The following DENND1A variants were observed in gnomAD, a reference collection of about 807,000 sequenced individuals.
DENND1A encodes the protein DENN domain containing 1A, also known as DENN domain-containing protein 1A.
Under a neutral mutation model 113.7 loss-of-function variants are expected in DENND1A, and 51 were observed. That is an observed-to-expected ratio of 0.45 (90% CI 0.36 to 0.57). The LOEUF (loss-of-function observed/expected upper bound fraction) is 0.57. Ranked by LOEUF, DENND1A falls within the 20% of genes least tolerant of loss-of-function variation. The probability of loss-of-function intolerance (pLI) is 0.00; values close to 1 mark genes in which losing one functional copy is unlikely to be tolerated. For missense variants in DENND1A, 1,258 were observed against 1,395.9 expected, an observed-to-expected ratio of 0.90 and a Z score of 1.57; for synonymous variants, 565 against 570.8, an observed-to-expected ratio of 0.99 and a Z score of 0.14.
At chr9:123,871,752 T>C (rs1035989834) in intron 2 of DENND1A, among the ~76,000 whole-genome samples, 1 of 143,256 alleles carries the variant, frequency 7.0e-6, no homozygotes, top group African/African-American at 2.5e-5. Flanking sequence ...TTTTAAAAAG[T>C]GGCCATTGGG....
intron 3 of DENND1A, among the ~76,000 whole-genome samples, chr9:123,775,018 T>C (rs1333641424): frequency 6.6e-6 from 1 of 152,210 alleles, no homozygotes; most frequent in Non-Finnish European, 1.5e-5. Flanking sequence ...AAATTAACTT[T>C]ATCCTTTTGC....
intron 13 of DENND1A, among the ~76,000 whole-genome samples, chr9:123,463,077 G>C (rs2048663448): frequency 6.6e-6 from 1 of 152,194 alleles, no homozygotes; most frequent in African/African-American, 2.4e-5. Context: ...GTTCTACGAG[G>C]CTGATTAAGC....
intron 18 of DENND1A, among the ~76,000 whole-genome samples, chr9:123,449,590 T>TA (rs1308416913): frequency 6.6e-6 from 1 of 151,286 alleles, no homozygotes; most frequent in Non-Finnish European, 1.5e-5. Context: ...ATGATGGCAT[T>TA]CATAATAATA....
intron 10 of DENND1A, among the ~76,000 whole-genome samples, chr9:123,628,704 G>A (rs1352182701): frequency 1.3e-5 from 2 of 152,156 alleles, no homozygotes; most frequent in South Asian, 2.1e-4. Flanking sequence ...GTACCTGGAC[G>A]TCACCATTAA....
At chr9:123,567,924 A>C (rs2058142367) in intron 12 of DENND1A, among the ~76,000 whole-genome samples, 1 of 152,232 alleles carries the variant, frequency 6.6e-6, no homozygotes, top group Non-Finnish European at 1.5e-5. Context: ...AGAAAACAGT[A>C]GGTTGCTTGG....
chr9:123,719,204 A>G (rs1430798067), intron 5 of DENND1A, among the ~76,000 whole-genome samples: 1 of 152,224 alleles, frequency 6.6e-6, no homozygotes, highest in Non-Finnish European at 1.5e-5. Flanking sequence ...AGACTAACAC[A>G]GTGGTTAACG....
At chr9:123,712,159 C>G (rs1336620694) in intron 5 of DENND1A, among the ~76,000 whole-genome samples, 3 of 152,158 alleles carry the variant, frequency 2.0e-5, no homozygotes, top group Non-Finnish European at 2.9e-5. Flanking sequence ...CAACACTGTC[C>G]AGCCTTTTCC....
intron 2 of DENND1A, among the ~76,000 whole-genome samples, chr9:123,847,856 A>C (rs555474685): frequency 1.3e-5 from 2 of 152,236 alleles, no homozygotes; most frequent in East Asian, 3.9e-4. Flanking sequence ...AATTGTTTGA[A>C]CCAGGAGGCG....
chr9:123,789,770 A>C (rs1832725829), intron 3 of DENND1A, among the ~76,000 whole-genome samples: 1 of 152,166 alleles, frequency 6.6e-6, no homozygotes, highest in Non-Finnish European at 1.5e-5. Context: ...CACAGATGTC[A>C]ATCTAACCTC....
intron 11 of DENND1A, among the ~76,000 whole-genome samples, chr9:123,598,456 C>CAAAAAAAAAAAAAAAAAAAAAAAAA (rs780473231): frequency 1.7e-5 from 1 of 59,408 alleles, no homozygotes; most frequent in Non-Finnish European, 3.6e-5. Flanking sequence ...TCACAAATCT[C>CAAAAAAAAAAAAAAAAAAAAAAAAA]AAAAAAAAAA....
intron 2 of DENND1A, among the ~76,000 whole-genome samples, chr9:123,851,849 C>T (rs1284220938): frequency 6.6e-6 from 1 of 152,150 alleles, no homozygotes; most frequent in Non-Finnish European, 1.5e-5. Context: ...ACTTTACAGA[C>T]CAGAAGCAGG....
chr9:123,690,476 T>G (rs2065122434), intron 5 of DENND1A, among the ~76,000 whole-genome samples: 1 of 152,168 alleles, frequency 6.6e-6, no homozygotes, highest in Non-Finnish European at 1.5e-5. Context: ...GATGGAATAT[T>G]ATATATTCAT....
chr9:123,437,010 G>C (rs1214986386), intron 19 of DENND1A, among the ~76,000 whole-genome samples: 5 of 152,190 alleles, frequency 3.3e-5, no homozygotes, highest in Non-Finnish European at 7.3e-5. Flanking sequence ...GGACTATGAG[G>C]TGGACTATGA....
rs1342463030 is a variant in DENND1A, at chr9:123,387,835, T to C, written c.1655A>G (p.Tyr552Cys). The C allele has an allele frequency of 1.6e-6, 2 of 1,289,678 alleles. No homozygotes were observed. Among genetic ancestry groups the C allele is most frequent in the Non-Finnish European group, 2.0e-6 (2 of 988,866 alleles). 79.9% of individuals were successfully genotyped at this position (1,289,678 alleles called of 1,614,324 possible). Residue 552 changes from tyrosine to cysteine, a missense_variant, in exon 22 of 24, where the codon TAT (tyrosine) becomes TGT (cysteine). Tyr to Cys is a radical substitution (Grantham distance 194). This residue lies in a region of DENND1A where 1,159 missense variants were observed against 1,231.7 expected (regional missense o/e 0.94). Transcript: ENST00000394215. The stretch of plus-strand genomic sequence containing the variant: ...GGAGTCTTCGGAGAGGAAGACCGCA[T>C]AGTGTCGCAAGGGCTTTACCAGGCT... ...PEHLVKPLRH[Y>C]AVFLSEDSSD... is the part of the protein sequence containing the mutation.
At chr9:123,552,021 G>C (rs764254030) in intron 13 of DENND1A, among the ~76,000 whole-genome samples, 5 of 93,494 alleles carry the variant, frequency 5.3e-5, no homozygotes, top group African/African-American at 1.6e-4. Context: ...GCGAGAGCGA[G>C]AGAGAGAGAG....
At position 123,883,868 on chromosome 9, in the gene DENND1A, C is replaced by CAA. The variant is rs75076282; in HGVS notation, c.18-4849_18-4848dup. The stretch of plus-strand genomic sequence containing the variant: ...ATGGAGCCAAGGATTATGACAGTCT[C>CAA]AAAAAAAAAAAAAAAAAAGAGCTAA... On this transcript the variant is annotated intron_variant, in intron 1 of 23. Coordinates refer to ENST00000394215, the MANE Select transcript of DENND1A (RefSeq NM_001352964.2). Among the ~76,000 whole-genome samples, 194 of 93,924 alleles carry CAA rather than the reference C, an allele frequency of 2.1e-3. 1 individual carries two copies. The highest frequency in any genetic ancestry group is 3.1e-3 in the Admixed American group (24 of 7,624). The allele number at this position is 93,924 out of a possible 152,430, so 61.6% of individuals were successfully genotyped here.
chr9:123,753,702 AG>A (rs2070268979), intron 5 of DENND1A, among the ~76,000 whole-genome samples: 1 of 117,032 alleles, frequency 8.5e-6, no homozygotes, highest in African/African-American at 5.7e-5. Context: ...TAACTGCTGG[AG>A]ATGCATGCAT....
At chr9:123,774,990 T>A (rs1830258344) in intron 3 of DENND1A, among the ~76,000 whole-genome samples, 1 of 152,186 alleles carries the variant, frequency 6.6e-6, no homozygotes, top group East Asian at 1.9e-4. Flanking sequence ...TCCATCTTAT[T>A]TTTAAAACTT....
At chr9:123,668,116 G>C (rs2063579975) in intron 7 of DENND1A, among the ~76,000 whole-genome samples, 1 of 152,168 alleles carries the variant, frequency 6.6e-6, no homozygotes, top group African/African-American at 2.4e-5. Context: ...AGCAGGAACG[G>C]AAAGAGCTTG....
Sources: allele counts gnomAD v4.1 joint callset (sites outside exome capture counted in the v4.1 genomes callset), GRCh38; gene constraint gnomAD v4.1.1; regional missense constraint gnomAD v4.1.1; transcripts MANE v1.5; gene names NCBI Gene and HGNC (gene_info 2026-07-23, HGNC 2026-07-21).